Variants in L1CAM observed in about 807,000 individuals in gnomAD.
The protein encoded by L1CAM is L1 cell adhesion molecule.
In L1CAM, 8 loss-of-function variants were observed where a neutral mutation model predicts 93.0. The ratio of observed to expected loss-of-function variants is 0.09; its 90% CI spans 0.05 to 0.16. The LOEUF (loss-of-function observed/expected upper bound fraction) is 0.16. Among genes scored for constraint, L1CAM ranks in the 10% least tolerant of loss-of-function variants. The pLI, the probability that L1CAM is intolerant of heterozygous loss-of-function variation, is 1.00. For missense variants in L1CAM, 777 were observed against 1,073.4 expected (o/e 0.72, Z 3.86); for synonymous variants, 453 against 453.0 (o/e 1.00, Z 0.00).
intron 1 of L1CAM, among the ~76,000 whole-genome samples, chrX:153,883,440 G>T (rs188562619): frequency 9.1e-6 from 1 of 110,124 alleles, no homozygotes; most frequent in Non-Finnish European, 1.9e-5. Flanking sequence ...GAGAGAGCAG[G>T]GGGGCGGGGG....
chrX:153,865,257 G>T, intron 21 of L1CAM, 42 bp downstream of exon 21: 1 of 1,209,146 alleles, frequency 8.3e-7, no homozygotes, highest in Non-Finnish European at 1.1e-6. Flanking sequence ...GCCCAGGTCT[G>T]GGGAGGAGGG....
chrX:153,868,241 C>T, intron 14 of L1CAM, 61 bp downstream of exon 14: 1 of 1,207,002 alleles, frequency 8.3e-7, no homozygotes, highest in Non-Finnish European at 1.1e-6. Context: ...AAGGACGAGG[C>T]CAAGAGGTCT....
rs991793585 is a variant in L1CAM, at chrX:153,873,367, A to G, written c.77-125T>C. 1.0e-4 allele frequency: 73 copies of G among 716,584 alleles called. No homozygotes were observed. In the Middle Eastern group the frequency reaches 1.2e-3, roughly 12 times the overall value. 59.1% of individuals were successfully genotyped at this position (716,584 alleles called of 1,213,427 possible). A position where few individuals can be genotyped will look rare whatever the true frequency, so the allele number is the denominator to read the frequency against. On this transcript the variant is annotated intron_variant, in intron 2 of 28. Transcript: ENST00000370060. ...AGCCCCCCCGTGGAGAGGGAATGGC[A>G]GGAGAGGAGGCCCTGGCAGTGGCAA...
intron 9 of L1CAM, 60 bp downstream of exon 9, chrX:153,869,996 A>G: frequency 4.1e-6 from 5 of 1,209,436 alleles, no homozygotes; most frequent in Non-Finnish European, 5.6e-6. Context: ...GACCCGGCGC[A>G]GACCCTCCCC....
At chrX:153,881,635 CT>C (rs2064845337) in intron 1 of L1CAM, among the ~76,000 whole-genome samples, 1 of 111,675 alleles carries the variant, frequency 9.0e-6, no homozygotes, top group African/African-American at 3.3e-5. Flanking sequence ...CCCTTTTGGG[CT>C]TGGGGACAGG....
intron 27 of L1CAM, 25 bp from the exon 28 acceptor site, chrX:153,863,404 AAG>A (rs782654548): frequency 2.5e-6 from 3 of 1,210,576 alleles, no homozygotes; most frequent in Non-Finnish European, 3.4e-6. Context: ...CAGCACAGAG[AAG>A]AGAGAGAGGG....
At chrX:153,863,643 C>G in intron 26 of L1CAM, 94 bp from the exon 27 acceptor site, 2 of 914,028 alleles carry the variant, frequency 2.2e-6, no homozygotes, top group Middle Eastern at 3.3e-4. Flanking sequence ...CACTCTGTCT[C>G]AACAGCGCCC....
chrX:153,869,911 G>A lies in L1CAM; in HGVS notation c.1015C>T (p.Pro339Ser). Reference sequence around the variant, plus strand: ...CCTGGCCCATATAGATGGCTCTGGGGCTTGTGCAGCCAGTACGGGGCAGCT... The same window carrying A: ...CCTGGCCCATATAGATGGCTCTGGGACTTGTGCAGCCAGTACGGGGCAGCT... ...VEAAPYWLHK[P>S]QSHLYGPGET... Residue 339 changes from proline to serine, a missense_variant, in exon 10 of 29, where the codon CCC (proline) becomes TCC (serine). Coordinates refer to ENST00000370060, the MANE Select transcript of L1CAM (RefSeq NM_001278116.2). The A allele has an allele frequency of 8.3e-7, 1 of 1,209,921 alleles. No individual in the cohort carries two copies. The highest frequency in any genetic ancestry group is 1.1e-6 in the Non-Finnish European group (1 of 894,797).
At chrX:153,864,243 C>T (rs1270964818) in intron 25 of L1CAM, 79 bp downstream of exon 25, 2 of 1,105,754 alleles carry the variant, frequency 1.8e-6, no homozygotes, top group African/African-American at 3.6e-5. Flanking sequence ...CAGTAGTGGC[C>T]ATTCAGGGGA....
rs782070899 is a variant in L1CAM at position 153,870,927 on chromosome X, G to A, written c.557C>T (p.Thr186Met). Reference sequence around the variant, plus strand: ...GTAGAGGTTGCCGTTCTGGCCCATCGTCACCCGCTCGTCCTGCTTGATGTG... The same window carrying A: ...GTAGAGGTTGCCGTTCTGGCCCATCATCACCCGCTCGTCCTGCTTGATGTG... ...ILHIKQDERV[T>M]MGQNGNLYFA... Residue 186 changes from threonine to methionine, a missense_variant, in exon 7 of 29, where the codon ACG becomes ATG. Coordinates refer to ENST00000370060, the MANE Select transcript of L1CAM (RefSeq NM_001278116.2). 1.8e-5 allele frequency: 22 copies of A among 1,208,803 alleles called. No homozygotes were observed. Among genetic ancestry groups the A allele is most frequent in the Admixed American group, 6.6e-5 (3 of 45,623 alleles).
At chrX:153,879,413 T>A (rs1557095258) in intron 1 of L1CAM, among the ~76,000 whole-genome samples, 1 of 9,548 alleles carries the variant, frequency 1.0e-4, no homozygotes, top group Non-Finnish European at 1.9e-4. Context: ...GCGAGAAGAG[T>A]GAGGGGTGGG....
chrX:153,867,016 C>T (rs200170415), intron 18 of L1CAM, 38 bp downstream of exon 18: 1 of 1,172,581 alleles, frequency 8.5e-7, no homozygotes, highest in Non-Finnish European at 1.2e-6. Context: ...AGGTCATGGC[C>T]TCATGTCCCC....
chrX:153,868,305 T>C lies in L1CAM; in HGVS notation c.1700A>G (p.Asp567Gly). 1 of 1,211,899 alleles carries C rather than the reference T, an allele frequency of 8.3e-7. No homozygotes were observed. The highest frequency in any genetic ancestry group is 1.7e-5 in the African/African-American group (1 of 57,822). The change falls in exon 14 of 29, where the codon GAC becomes GGC. Residue 567 changes from aspartate to glycine, a missense_variant. Asp to Gly is a moderately conservative substitution (Grantham distance 94). Coordinates refer to ENST00000370060, the MANE Select transcript of L1CAM (RefSeq NM_001278116.2). ...GRDLQELGDS[D>G]KYFIEDGRLV... ...CTTTCACCGTCACTGTCCTCACTTG[T>C]CACTGTCCCCAAGCTCCTGGAGGTC...
intron 26 of L1CAM, 101 bp from the exon 27 acceptor site, chrX:153,863,650 G>A (rs183803142): frequency 3.5e-5 from 31 of 895,816 alleles, no homozygotes; most frequent in African/African-American, 3.9e-5. Flanking sequence ...TCTCAACAGC[G>A]CCCAGAGGCA....
intron 15 of L1CAM, 39 bp downstream of exon 15, chrX:153,867,959 C>A: frequency 1.7e-6 from 2 of 1,210,628 alleles, no homozygotes; most frequent in Non-Finnish European, 2.2e-6. Flanking sequence ...GATGTGAGCC[C>A]CGGCCTTCTG....
At position 153,869,617 on chromosome X, in the gene L1CAM, G is replaced by A. The variant is rs2064748364; in HGVS notation, c.1170C>T (p.Ile390=). The change falls in exon 11 of 29, where the codon ATC becomes ATT. Residue 390 remains isoleucine (I), a synonymous_variant. Transcript: ENST00000370060. ...QKYRIQRGAL[I]LSNVQPSDTM... is the part of the protein sequence containing the mutation. ...TGTCACTGGGCTGCACGTTGCTCAG[G>A]ATCAGGGCGCCACGCTGAATCCGGT... 2 of 1,209,542 alleles carry A rather than the reference G, an allele frequency of 1.7e-6. No individual in the cohort carries two copies. The highest frequency in any genetic ancestry group is 1.7e-5 in the African/African-American group (1 of 58,040).
At chrX:153,872,887 C>T (rs782453737) in intron 3 of L1CAM, 190 bp from the exon 4 acceptor site, 13 of 466,320 alleles carry the variant, frequency 2.8e-5, no homozygotes, top group Non-Finnish European at 3.8e-5. Context: ...GGGACAGCCA[C>T]GTAAGTTACA....
At chrX:153,866,595 G>A (rs2064715352) in intron 19 of L1CAM, 54 bp downstream of exon 19, 1 of 922,334 alleles carries the variant, frequency 1.1e-6, no homozygotes, top group Non-Finnish European at 1.6e-6. Context: ...GACATGGGCT[G>A]GGGTGGAAGC....
rs1171645917 is a variant in L1CAM at position 153,862,644 on chromosome X, T to A, written c.*19A>T. On this transcript the variant is annotated 3_prime_UTR_variant, in exon 29 of 29. Coordinates refer to ENST00000370060, the MANE Select transcript of L1CAM (RefSeq NM_001278116.2). ...GGATCCCAAGGCCAGGGGCACAGCATCTCCTGTCCTGGACTCCACTATTCT... is the reference window on the plus strand; with the variant it reads ...GGATCCCAAGGCCAGGGGCACAGCAACTCCTGTCCTGGACTCCACTATTCT... 1 of 1,152,632 alleles carries A rather than the reference T, an allele frequency of 8.7e-7. No individual in the cohort carries two copies. Among genetic ancestry groups the A allele is most frequent in the African/African-American group, 1.8e-5 (1 of 56,739 alleles). The allele number at this position is 1,152,632 out of a possible 1,213,427, so 95.0% of individuals were successfully genotyped here.
Sources: gnomAD v4.1 joint callset for allele counts (sites outside exome capture counted in the v4.1 genomes callset) on GRCh38, gnomAD v4.1.1 for gene constraint, MANE v1.5 for transcripts, NCBI Gene and HGNC (gene_info 2026-07-23, HGNC 2026-07-21) for gene names.